Variants in AGMO observed in about 807,000 individuals in gnomAD.
AGMO encodes the protein glyceryl-ether monooxygenase.
In AGMO, 75 loss-of-function variants were observed where a neutral mutation model predicts 60.2. The observed-to-expected ratio is 1.25, with a 90% CI of 1.03 to 1.51. The LOEUF is 1.51. Among genes scored for constraint, AGMO ranks in the 40% most tolerant of loss-of-function variants. The pLI, the probability that AGMO is intolerant of heterozygous loss-of-function variation, is 0.00. For missense variants in AGMO, 763 were observed against 525.5 expected, an observed-to-expected ratio of 1.45 and a Z score of -4.42; for synonymous variants, 261 against 177.1, an observed-to-expected ratio of 1.47 and a Z score of -3.76.
intron 3 of AGMO, among the ~76,000 whole-genome samples, chr7:15,539,227 A>G (rs1213848925): frequency 6.6e-6 from 1 of 152,102 alleles, no homozygotes; most frequent in African/African-American, 2.4e-5. Context: ...TGGTGTACAG[A>G]TAATTTCATC....
At chr7:15,248,456 A>G (rs541510036) in intron 12 of AGMO, among the ~76,000 whole-genome samples, 2 of 151,946 alleles carry the variant, frequency 1.3e-5, no homozygotes, top group Admixed American at 1.3e-4. Flanking sequence ...ATTAATTGCC[A>G]ATTTCTATTC....
At chr7:15,524,715 T>C (rs1784078873) in intron 3 of AGMO, among the ~76,000 whole-genome samples, 1 of 55,126 alleles carries the variant, frequency 1.8e-5, no homozygotes, top group Non-Finnish European at 3.8e-5. Flanking sequence ...ATACAAAAAT[T>C]AGCCAGGCAT....
At chr7:15,376,630 T>G (rs946518773) in intron 10 of AGMO, among the ~76,000 whole-genome samples, 13 of 152,234 alleles carry the variant, frequency 8.5e-5, no homozygotes, top group African/African-American at 2.6e-4. Flanking sequence ...TTATTGAATA[T>G]TCAAACTGTT....
intron 12 of AGMO, among the ~76,000 whole-genome samples, chr7:15,275,711 G>C (rs185121898): frequency 4.6e-5 from 7 of 151,842 alleles, no homozygotes; most frequent in Non-Finnish European, 1.0e-4. Context: ...TATGAATCTG[G>C]GTTTTCTGGT....
intron 12 of AGMO, among the ~76,000 whole-genome samples, chr7:15,234,004 G>A (rs939000191): frequency 2.5e-4 from 38 of 152,232 alleles, no homozygotes; most frequent in African/African-American, 3.9e-4. Flanking sequence ...CCGAGATGGC[G>A]CCACACTGCA....
chr7:15,189,920 T>G, the AGMO span, among the ~76,000 whole-genome samples: 1 of 150,254 alleles, frequency 6.7e-6, no homozygotes, highest in Admixed American at 6.6e-5. Context: ...AAAGTTAAAA[T>G]CTAAATTATT....
chr7:15,399,739 A>G (rs947777247), intron 5 of AGMO, among the ~76,000 whole-genome samples: 1 of 152,158 alleles, frequency 6.6e-6, no homozygotes, highest in African/African-American at 2.4e-5. Context: ...GAGAAGAGGG[A>G]GCCATAAGAC....
intron 3 of AGMO, among the ~76,000 whole-genome samples, chr7:15,478,322 A>G (rs1368261258): frequency 1.3e-5 from 2 of 152,148 alleles, no homozygotes; most frequent in African/African-American, 4.8e-5. Flanking sequence ...TTGTCTATGA[A>G]ACTAAAGGCT....
At chr7:15,152,315 G>A in the AGMO span, among the ~76,000 whole-genome samples, 10 of 151,996 alleles carry the variant, frequency 6.6e-5, no homozygotes, top group Admixed American at 3.9e-4. Context: ...AGTTCAGGGC[G>A]GCACTGAAGG....
the AGMO span, among the ~76,000 whole-genome samples, chr7:15,141,109 G>T: frequency 6.6e-6 from 1 of 152,032 alleles, no homozygotes; most frequent in South Asian, 2.1e-4. Context: ...CTTGTAAATG[G>T]CTCATAGTCC....
At chr7:15,528,057 C>T (rs948198746) in intron 3 of AGMO, among the ~76,000 whole-genome samples, 11 of 152,126 alleles carry the variant, frequency 7.2e-5, no homozygotes, top group South Asian at 4.1e-4. Context: ...CATTCTGCAG[C>T]ATGTGGATCA....
intron 10 of AGMO, among the ~76,000 whole-genome samples, chr7:15,372,371 G>A (rs1391240631): frequency 6.6e-6 from 1 of 152,098 alleles, no homozygotes; most frequent in Non-Finnish European, 1.5e-5. Flanking sequence ...GTAAACTACT[G>A]TTTGAACCTG....
intron 12 of AGMO, among the ~76,000 whole-genome samples, chr7:15,259,810 G>C (rs1036200955): frequency 7.3e-6 from 1 of 137,492 alleles, no homozygotes; most frequent in Admixed American, 8.4e-5. Flanking sequence ...GCAAAACTAA[G>C]CTCCATAAAT....
At chr7:15,247,615 T>C (rs1315288126) in intron 12 of AGMO, among the ~76,000 whole-genome samples, 1 of 152,118 alleles carries the variant, frequency 6.6e-6, no homozygotes, top group Non-Finnish European at 1.5e-5. Flanking sequence ...AACAGTTCCA[T>C]TTCAATTGCA....
intron 6 of AGMO, among the ~76,000 whole-genome samples, chr7:15,392,372 T>TA (rs1784179807): frequency 1.3e-5 from 2 of 151,902 alleles, no homozygotes; most frequent in South Asian, 2.1e-4. Context: ...TGCCCGGCCC[T>TA]ATTTCCTTGT....
chr7:15,390,321 T>C (rs996611091), intron 8 of AGMO, among the ~76,000 whole-genome samples: 1 of 152,134 alleles, frequency 6.6e-6, no homozygotes, highest in African/African-American at 2.4e-5. Context: ...TGGAAGCAAA[T>C]ATTTTTCTTA....
intron 12 of AGMO, among the ~76,000 whole-genome samples, chr7:15,251,337 A>G (rs1355678813): frequency 6.6e-6 from 1 of 152,194 alleles, no homozygotes. Context: ...CCAACCAGGA[A>G]AGTAAAAACT....
intron 3 of AGMO, among the ~76,000 whole-genome samples, chr7:15,543,791 A>C (rs1008005563): frequency 7.2e-5 from 11 of 151,786 alleles, no homozygotes; most frequent in Non-Finnish European, 1.5e-4. Context: ...AAAGAAGGAA[A>C]AGTAGATCCA....
chr7:15,478,498 T>C (rs1583594110), intron 3 of AGMO, among the ~76,000 whole-genome samples: 1 of 152,144 alleles, frequency 6.6e-6, no homozygotes, highest in Non-Finnish European at 1.5e-5. Flanking sequence ...CCAGCTAATA[T>C]ACTTTACAAA....
Sources: allele counts gnomAD v4.1 joint callset (sites outside exome capture counted in the v4.1 genomes callset), GRCh38; gene constraint gnomAD v4.1.1; transcripts MANE v1.5; gene names NCBI Gene and HGNC (gene_info 2026-07-23, HGNC 2026-07-21).